Variants in HOXA3 observed in about 807,000 individuals in gnomAD.
HOXA3 encodes homeobox protein Hox-A3.
A neutral mutation model predicts 30.3 loss-of-function variants in HOXA3; 8 were observed. The ratio of observed to expected loss-of-function variants is 0.26; its 90% CI spans 0.15 to 0.48. The LOEUF is 0.48. Among genes scored for constraint, HOXA3 ranks in the 20% least tolerant of loss-of-function variants. The probability of loss-of-function intolerance (pLI) is 0.99; values close to 1 mark genes in which losing one functional copy is unlikely to be tolerated. For missense variants in HOXA3, 653 were observed against 614.4 expected, an observed-to-expected ratio of 1.06 and a Z score of -0.66; for synonymous variants, 323 against 273.1, an observed-to-expected ratio of 1.18 and a Z score of -1.80.
Position 27,143,429 on chromosome 7 carries a change from C to A in HOXA3, c.-493-3243G>T. On this transcript the variant is annotated intron_variant, in intron 1 of 5. Coordinates refer to ENST00000612286, the MANE Select transcript of HOXA3 (RefSeq NM_153631.3). The stretch of plus-strand genomic sequence containing the variant: ...CTCTCCGGAGCCAAAGTGGCCGGAG[C>A]CCGAGCGGCCGACGCTGAGATCCAT... 3 of 1,612,656 alleles carry A rather than the reference C, an allele frequency of 1.9e-6. No homozygotes were observed. The South Asian group carries it at 3.3e-5, about 18-fold the overall frequency.
chr7:27,143,647 C>T (rs1288612936), intron 1 of HOXA3: 1 of 1,552,462 alleles, frequency 6.4e-7, no homozygotes, highest in East Asian at 2.3e-5. Flanking sequence ...GGCTCGCGGT[C>T]GTTTGTGCGT....
In HOXA3 at chr7:27,108,022, G is replaced by A. The variant is rs1583413435; in HGVS notation, c.1225C>T (p.His409Tyr). The change falls in exon 6 of 6, where the codon CAC becomes TAC. Residue 409 changes from histidine to tyrosine, a missense_variant. His to Tyr is a moderately conservative substitution (Grantham distance 83, BLOSUM62 2). Transcript: ENST00000612286. This position sits in a 1 kb window ranked among gnomAD's most constrained non-coding sequence, Gnocchi z 5.0. ...GGAGPLGSGHHHGPGPGEPHP... is the reference protein window; with the variant it reads ...GGAGPLGSGHYHGPGPGEPHP... ...GGCTCCCCAGGCCCCGGCCCGTGGT[G>A]GTGGCCGCTGCCCAGCGGCCCGGCA... 1 of 1,612,808 alleles carries A rather than the reference G, an allele frequency of 6.2e-7. No individual in the cohort carries two copies. The highest frequency in any genetic ancestry group is 8.5e-7 in the Non-Finnish European group (1 of 1,179,262).
chr7:27,117,953 C>A (rs1784811831), intron 4 of HOXA3, among the ~76,000 whole-genome samples: 1 of 152,166 alleles, frequency 6.6e-6, no homozygotes, highest in South Asian at 2.1e-4. Context: ...CTCCTTTACA[C>A]CCCCAACACT....
intron 2 of HOXA3, among the ~76,000 whole-genome samples, chr7:27,138,886 T>C (rs1395260556): frequency 6.6e-6 from 1 of 152,218 alleles, no homozygotes; most frequent in African/African-American, 2.4e-5. Context: ...CCGTTTATGA[T>C]GTGTCAGGAA....
chr7:27,145,729 T>A, intron 1 of HOXA3: 1 of 1,614,222 alleles, frequency 6.2e-7, no homozygotes, highest in Non-Finnish European at 8.5e-7. Flanking sequence ...TTTTCCTTTT[T>A]CCACTTCATG....
chr7:27,147,580 A>G, intron 1 of HOXA3: 3 of 1,614,208 alleles, frequency 1.9e-6, no homozygotes, highest in Non-Finnish European at 2.5e-6. Flanking sequence ...CTGTTGGTAG[A>G]AACAAGGTGA....
Position 27,107,800 on chromosome 7 carries a change from G to T in HOXA3, c.*115C>A. On this transcript the variant is annotated 3_prime_UTR_variant, in exon 6 of 6. Transcript: ENST00000612286. ...AACGGAGTGCGGGGCGGAGAAGAGA[G>T]AAAAGGAAGGAAGGAAAGGGCAGGA... 1.4e-6 allele frequency: 1 copy of T among 689,730 alleles called. No individual in the cohort carries two copies. The highest frequency in any genetic ancestry group is 2.2e-6 in the Non-Finnish European group (1 of 459,190). The allele number at this position is 689,730 out of a possible 1,614,324, so 42.7% of individuals were successfully genotyped here.
intron 1 of HOXA3, chr7:27,140,449 A>G (rs2128059365): frequency 6.6e-6 from 1 of 152,386 alleles, no homozygotes; most frequent in African/African-American, 2.4e-5. Context: ...TTAAAAGGAA[A>G]GACGGCATCA....
chr7:27,139,460 C>T (rs992682441), intron 2 of HOXA3, among the ~76,000 whole-genome samples: 3 of 152,232 alleles, frequency 2.0e-5, no homozygotes, highest in African/African-American at 4.8e-5. Flanking sequence ...CCTCTGCCAC[C>T]CTCCCGCTCT....
chr7:27,140,092 G>A lies in HOXA3; in HGVS notation c.-399C>T, dbSNP rs939800317. The A allele has an allele frequency of 3.3e-5, 5 of 152,014 alleles. No individual in the cohort carries two copies. Among genetic ancestry groups the A allele is most frequent in the Admixed American group, 3.3e-4 (5 of 15,254 alleles). The allele number at this position is 152,014 out of a possible 1,614,324, so 9.4% of individuals were successfully genotyped here. ...CAGGAGGCGAGCTTACCTTAACTCG[G>A]AGGGAGCCATTTTTCAGAGAGTTTT... On this transcript the variant is annotated 5_prime_UTR_variant, in exon 2 of 6. Transcript: ENST00000612286.
At chr7:27,138,713 A>G (rs757198387) in intron 2 of HOXA3, among the ~76,000 whole-genome samples, 7 of 152,234 alleles carry the variant, frequency 4.6e-5, no homozygotes, top group Non-Finnish European at 1.0e-4. Flanking sequence ...AATTGTGCCC[A>G]GGATAAACTT....
In HOXA3 at chr7:27,107,969, G is replaced by C; in HGVS notation, c.1278C>G (p.Gly426=). The change falls in exon 6 of 6, where the codon GGC becomes GGG. Residue 426 remains glycine, a synonymous_variant. Coordinates refer to ENST00000612286, the MANE Select transcript of HOXA3 (RefSeq NM_153631.3). ...EPHPTYTDLT[G]HHPSQGRIQE... ...GAATTCTTCCCTGAGAAGGATGGTG[G>C]CCGGTAAGGTCCGTGTAGGTGGGGT... is the stretch of plus-strand genomic sequence containing the variant. The C allele has an allele frequency of 6.2e-7, 1 of 1,600,988 alleles. No homozygotes were observed. Among genetic ancestry groups the C allele is most frequent in the Non-Finnish European group, 8.5e-7 (1 of 1,170,254 alleles).
intron 2 of HOXA3, chr7:27,128,717 CA>C (rs1785387168): frequency 1.2e-5 from 2 of 170,048 alleles, no homozygotes. Flanking sequence ...CACCTACCAT[CA>C]AGGTCTACAC....
intron 3 of HOXA3, among the ~76,000 whole-genome samples, chr7:27,126,068 C>G (rs1234797962): frequency 6.6e-6 from 1 of 152,216 alleles, no homozygotes; most frequent in Non-Finnish European, 1.5e-5. Context: ...ATTAAGTACT[C>G]TACTATGCCT....
intron 1 of HOXA3, chr7:27,145,395 C>T (rs940939747): frequency 3.7e-6 from 2 of 535,228 alleles, no homozygotes; most frequent in African/African-American, 3.8e-5. Flanking sequence ...TGGAGCGGGA[C>T]TGGGTGTGTG....
intron 2 of HOXA3, among the ~76,000 whole-genome samples, chr7:27,136,014 C>T (rs964301285): frequency 1.3e-5 from 2 of 152,194 alleles, no homozygotes; most frequent in Admixed American, 6.5e-5. Context: ...GAGTCCATAC[C>T]GTGATACACG....
At chr7:27,151,554 C>T in intron 1 of HOXA3, 1 of 456,586 alleles carries the variant, frequency 2.2e-6, no homozygotes, top group South Asian at 1.5e-5. Context: ...CCAATTAATC[C>T]CATCCTCTCC....
chr7:27,109,258 T>C lies in HOXA3; in HGVS notation c.527-538A>G, dbSNP rs769383950. 5.0e-4 allele frequency among the ~76,000 whole-genome samples: 76 copies of C among 152,338 alleles called. 1 individual carries two copies. Among genetic ancestry groups the C allele is most frequent in the East Asian group, 7.7e-4 (4 of 5,182 alleles). On this transcript the variant is annotated intron_variant, in intron 5 of 5. Coordinates refer to ENST00000612286, the MANE Select transcript of HOXA3 (RefSeq NM_153631.3). ...TTCTCTGCCCAAAGAAGAGATCCCA[T>C]TGAAGGTATTTCTGGTGGGGAGGCC...
chr7:27,120,522 G>C (rs1318422938), intron 4 of HOXA3, among the ~76,000 whole-genome samples: 2 of 129,040 alleles, frequency 1.5e-5, no homozygotes, highest in African/African-American at 6.1e-5. Context: ...GCCTGGGACA[G>C]AGCGCGACTC....
Sources: gnomAD v4.1 joint callset for allele counts (sites outside exome capture counted in the v4.1 genomes callset) on GRCh38, gnomAD v4.1.1 for gene constraint, Gnocchi (gnomAD v3.1) non-coding constraint, MANE v1.5 for transcripts, NCBI Gene and HGNC (gene_info 2026-07-23, HGNC 2026-07-21) for gene names.